The following TMEM223 variants were observed in gnomAD, a reference collection of about 807,000 sequenced individuals.
The protein encoded by TMEM223 is transmembrane protein 223.
In TMEM223, 14 loss-of-function variants were observed where a neutral mutation model predicts 14.1. That is an observed-to-expected ratio of 0.99 (90% CI 0.66 to 1.55). TMEM223 has a LOEUF of 1.55. Among genes scored for constraint, TMEM223 ranks in the 40% most tolerant of loss-of-function variants. TMEM223 has a pLI of 0.00. For synonymous variants in TMEM223, 145 were observed against 120.5 expected (o/e 1.20, Z -1.33); for missense variants, 346 against 269.9 (o/e 1.28, Z -1.97).
downstream of TMEM223, among the ~76,000 whole-genome samples, chr11:62,785,194 CCT>C (rs1666963062): frequency 6.7e-6 from 1 of 149,650 alleles, no homozygotes; most frequent in Admixed American, 6.7e-5. Flanking sequence ...TATTTTCTTT[CCT>C]TTTTTTTTTT....
downstream of TMEM223, chr11:62,787,703 C>G (rs1009490195): frequency 3.6e-5 from 30 of 825,792 alleles, no homozygotes; most frequent in South Asian, 5.1e-4. Flanking sequence ...TTTGTGGCTC[C>G]TCCTGGCCAG....
downstream of TMEM223, chr11:62,789,210 GGT>G (rs2084328672): frequency 6.2e-7 from 1 of 1,614,010 alleles, no homozygotes; most frequent in Non-Finnish European, 8.5e-7. Context: ...GACTCCCACA[GGT>G]GACTGCCTAA....
Position 62,790,790 on chromosome 11 carries a change from T to C in TMEM223, c.442A>G (p.Thr148Ala), listed in dbSNP as rs767054570. The change falls in exon 2 of 2, where the codon ACA (threonine) becomes GCA (alanine). Residue 148 changes from threonine to alanine, a missense_variant. Transcript: ENST00000307366. ...CAAGATACCTGCTTCAAAGGAACTG[T>C]GAAATGGGCCCCCAAGCCAAAGGGG... ...HAPFGLGAHF[T>A]VPLKQVSCMA... 1.9e-5 allele frequency: 30 copies of C among 1,607,530 alleles called. No individual in the cohort carries two copies. Among genetic ancestry groups the C allele is most frequent in the Non-Finnish European group, 2.5e-5 (30 of 1,176,888 alleles).
Position 62,790,665 on chromosome 11 carries a change from T to A in TMEM223, c.567A>T (p.Thr189=), listed in dbSNP as rs2084350088. Residue 189 remains threonine (T), a synonymous_variant, in exon 2 of 2, where the codon ACA becomes ACT. Coordinates refer to ENST00000307366, the MANE Select transcript of TMEM223 (RefSeq NM_001080501.3). ...CACCCACAGTATTGTCAAAGAGTTTTGTGTTAGGGAAGTGTCCAGTTTTGT... is the reference window on the plus strand; with the variant it reads ...CACCCACAGTATTGTCAAAGAGTTTAGTGTTAGGGAAGTGTCCAGTTTTGT... The part of the protein sequence containing the change: ...LLDKTGHFPN[T]KLFDNTVGAY... 8 of 1,612,312 alleles carry A rather than the reference T, an allele frequency of 5.0e-6. No individual in the cohort carries two copies. The highest frequency in any genetic ancestry group is 6.8e-6 in the Non-Finnish European group (8 of 1,179,166).
downstream of TMEM223, chr11:62,787,461 G>C: frequency 1.9e-6 from 3 of 1,574,962 alleles, no homozygotes; most frequent in South Asian, 1.1e-5. Context: ...AGCGCGTCGA[G>C]CTTGCGCTCT....
intron 2 of TMEM223, chr11:62,772,156 A>G (rs1470479893): frequency 8.8e-6 from 4 of 456,130 alleles, no homozygotes; most frequent in East Asian, 6.9e-5. Flanking sequence ...GAAATACATA[A>G]TAATATCTTA....
At chr11:62,774,901 AAAAAAAAAAT>A (rs2084174208) in intron 1 of TMEM223, among the ~76,000 whole-genome samples, 1 of 150,266 alleles carries the variant, frequency 6.7e-6, no homozygotes, top group African/African-American at 2.4e-5. Context: ...CAAAAAAAAA[AAAAAAAAAAT>A]TTAGCCATCC....
intron 1 of TMEM223, chr11:62,781,773 G>C: frequency 1.2e-6 from 1 of 850,590 alleles, no homozygotes; most frequent in Non-Finnish European, 1.9e-6. Flanking sequence ...CTAGATCAAA[G>C]AATATGAACA....
chr11:62,773,264 C>T (rs1327135394), intron 2 of TMEM223, among the ~76,000 whole-genome samples: 1 of 151,962 alleles, frequency 6.6e-6, no homozygotes, highest in Admixed American at 6.6e-5. Context: ...TCTCCTGCCT[C>T]AGCCTCCGGA....
At chr11:62,777,893 C>G in intron 1 of TMEM223, 1 of 1,502,490 alleles carries the variant, frequency 6.7e-7, no homozygotes, top group Non-Finnish European at 9.0e-7. Flanking sequence ...GGGCTCTCTG[C>G]TCTGGTCAGT....
downstream of TMEM223, chr11:62,789,093 G>A (rs1301060096): frequency 1.2e-5 from 20 of 1,614,058 alleles, no homozygotes; most frequent in East Asian, 4.5e-5. Context: ...GCCTTATCCC[G>A]TCCCTCAGCA....
At chr11:62,778,648 TG>T in intron 1 of TMEM223, 1 of 611,414 alleles carries the variant, frequency 1.6e-6, no homozygotes, top group East Asian at 2.7e-5. Context: ...GGAGTCCGTC[TG>T]GCAGAGGGTG....
At chr11:62,787,012 C>T (rs2084286538), downstream of TMEM223, 3 of 1,487,254 alleles carry the variant, frequency 2.0e-6, no homozygotes, top group Non-Finnish European at 2.7e-6. Flanking sequence ...GCGCGTGCAT[C>T]GGGCGCGCGG....
At chr11:62,787,438 C>T (rs779096208), downstream of TMEM223, 8 of 1,564,654 alleles carry the variant, frequency 5.1e-6, no homozygotes, top group South Asian at 5.7e-5. Context: ...CGCCATGGCG[C>T]TGTCCTGGCT....
chr11:62,781,412 G>T (rs753805212), intron 1 of TMEM223, among the ~76,000 whole-genome samples: 1 of 151,978 alleles, frequency 6.6e-6, no homozygotes, highest in South Asian at 2.1e-4. Flanking sequence ...GGTGGCTCAC[G>T]CCTGTAATCC....
chr11:62,779,246 G>A (rs1397503558), intron 1 of TMEM223, among the ~76,000 whole-genome samples: 1 of 152,104 alleles, frequency 6.6e-6, no homozygotes. Context: ...CCAGGCTGGA[G>A]TGCAGTGGCG....
Position 62,791,955 on chromosome 11 carries a change from C to G in TMEM223, c.40G>C (p.Ala14Pro), listed in dbSNP as rs182678917. 1 of 1,578,572 alleles carries G rather than the reference C, an allele frequency of 6.3e-7. No individual in the cohort carries two copies. The highest frequency in any genetic ancestry group is 8.6e-7 in the Non-Finnish European group (1 of 1,161,540). ...PWRRWPTGLL[A>P]VLRPLLTCRP... ...CAGGTGAGCAGGGGCCGCAGCACGG[C>G]TAGCAGCCCCGTGGGCCATCGCCTC... The change falls in exon 1 of 2, where the codon GCC becomes CCC. Residue 14 changes from alanine (A) to proline (P), a missense_variant. Ala to Pro is a conservative substitution (Grantham distance 27). Coordinates refer to ENST00000307366, the MANE Select transcript of TMEM223 (RefSeq NM_001080501.3).
At chr11:62,786,765 C>G (rs768309072), downstream of TMEM223, 4 of 1,612,688 alleles carry the variant, frequency 2.5e-6, no homozygotes, top group Admixed American at 3.3e-5. Context: ...AGCTCTACGC[C>G]TTCTTCGGTG....
rs76769410 is a variant in TMEM223 at position 62,775,854 on chromosome 11, C to T, written c.315-1189G>A. On this transcript the variant is annotated intron_variant, in intron 1 of 2. Transcript: ENST00000528367. ...TCTGTCCGGCTCATGGCGGAGAGCA[C>T]GGGCCTGGAGCTGAGCGATGAGGTG... The T allele has an allele frequency of 9.1e-3, 14,718 of 1,613,608 alleles. 88 individuals are homozygous for T. The highest frequency in any genetic ancestry group is 0.01 in the Non-Finnish European group (11,977 of 1,179,944).
Sources: allele counts gnomAD v4.1 joint callset (sites outside exome capture counted in the v4.1 genomes callset), GRCh38; gene constraint gnomAD v4.1.1; transcripts MANE v1.5; gene names NCBI Gene and HGNC (gene_info 2026-07-23, HGNC 2026-07-21).